Variants in INO80C observed in about 807,000 individuals in gnomAD.
INO80C encodes the protein IES6 homolog.
INO80C carries 17 observed loss-of-function variants against 17.7 expected under a neutral mutation model. The observed-to-expected ratio is 0.96, with a 90% CI of 0.66 to 1.44. The LOEUF is 1.44. Ranked by LOEUF, INO80C falls within the 40% of genes most tolerant of loss-of-function variation. INO80C has a pLI of 0.00. For missense variants in INO80C, 244 were observed against 245.0 expected (o/e 1.00, Z 0.03); for synonymous variants, 96 against 95.8 (o/e 1.00, Z -0.01).
intron 1 of INO80C, among the ~76,000 whole-genome samples, chr18:35,485,924 A>G (rs892214579): frequency 3.9e-5 from 6 of 152,204 alleles, no homozygotes; most frequent in African/African-American, 1.2e-4. Context: ...CAAGAGTTCA[A>G]AAGTGGCCTA....
At chr18:35,470,559 G>A (rs1443204856) in intron 4 of INO80C, among the ~76,000 whole-genome samples, 2 of 152,116 alleles carry the variant, frequency 1.3e-5, no homozygotes, top group Non-Finnish European at 2.9e-5. Flanking sequence ...GTCTGGCGTG[G>A]ACCATCTGGC....
intron 1 of INO80C, among the ~76,000 whole-genome samples, chr18:35,495,710 C>G (rs1415912179): frequency 6.6e-6 from 1 of 152,204 alleles, no homozygotes; most frequent in East Asian, 1.9e-4. Context: ...CCTGGCACAA[C>G]TGGTTATCAA....
In INO80C at chr18:35,479,856, T is replaced by C. The variant is rs2045784179; in HGVS notation, c.268-445A>G. 2.6e-5 allele frequency among the ~76,000 whole-genome samples: 4 copies of C among 151,942 alleles called. No individual in the cohort carries two copies. The South Asian group carries it at 8.3e-4, about 32-fold the overall frequency. On this transcript the variant is annotated intron_variant, in intron 2 of 4. Transcript: ENST00000334598. ...CCTGGAAAAGTTGAGAAAGCCCCAGTTGCAGTATGGGTACTCTTCTAGGTA... is the reference window on the plus strand; with the variant it reads ...CCTGGAAAAGTTGAGAAAGCCCCAGCTGCAGTATGGGTACTCTTCTAGGTA...
chr18:35,497,318 T>C (rs2045993271), intron 1 of INO80C: 1 of 984,134 alleles, frequency 1.0e-6, no homozygotes, highest in Non-Finnish European at 1.2e-6. Context: ...CTTGTATTCA[T>C]CCATGCAGGA....
intron 1 of INO80C, chr18:35,497,262 A>G: frequency 3.3e-6 from 3 of 914,204 alleles, no homozygotes; most frequent in Non-Finnish European, 3.9e-6. Flanking sequence ...CCAGGGTCAA[A>G]AAAGCACTTT....
chr18:35,477,207 G>A (rs2045747529), intron 4 of INO80C, among the ~76,000 whole-genome samples: 1 of 152,106 alleles, frequency 6.6e-6, no homozygotes, highest in South Asian at 2.1e-4. Context: ...GCGTGCCACT[G>A]CACTCCAGCC....
intron 1 of INO80C, among the ~76,000 whole-genome samples, chr18:35,486,460 A>T (rs2045875182): frequency 6.6e-6 from 1 of 152,236 alleles, no homozygotes; most frequent in Non-Finnish European, 1.5e-5. Flanking sequence ...CAACTCAGTG[A>T]ATATACTATA....
At chr18:35,471,294 T>G (rs1170055621) in intron 4 of INO80C, among the ~76,000 whole-genome samples, 1 of 152,268 alleles carries the variant, frequency 6.6e-6, no homozygotes, top group Non-Finnish European at 1.5e-5. Flanking sequence ...GAGAAACCAC[T>G]GCTAAGTGGG....
At chr18:35,472,389 C>T (rs946933710) in intron 4 of INO80C, among the ~76,000 whole-genome samples, 4 of 152,200 alleles carry the variant, frequency 2.6e-5, no homozygotes, top group Admixed American at 2.6e-4. Context: ...TTTTTGGCTG[C>T]ATAAATGTCT....
At chr18:35,495,819 A>T (rs920860023) in intron 1 of INO80C, among the ~76,000 whole-genome samples, 6 of 152,280 alleles carry the variant, frequency 3.9e-5, no homozygotes, top group Admixed American at 1.3e-4. Flanking sequence ...CTACACATCA[A>T]TATAATTTTT....
chr18:35,489,832 G>T (rs2045916038), intron 1 of INO80C, among the ~76,000 whole-genome samples: 1 of 152,114 alleles, frequency 6.6e-6, no homozygotes. Context: ...CTCCTCTCCA[G>T]GGCCTCTGCA....
chr18:35,495,272 T>A (rs2045969851), intron 1 of INO80C, among the ~76,000 whole-genome samples: 1 of 152,096 alleles, frequency 6.6e-6, no homozygotes, highest in Non-Finnish European at 1.5e-5. Flanking sequence ...CTACCAAAAA[T>A]ACAATGGTGG....
intron 2 of INO80C, 33 bp downstream of exon 2, chr18:35,480,420 G>T: frequency 7.1e-7 from 1 of 1,412,172 alleles, no homozygotes; most frequent in South Asian, 1.1e-5. Flanking sequence ...GTGGCATTTG[G>T]ATGTTTATTC....
At chr18:35,474,244 T>TATAC (rs1163516427) in intron 4 of INO80C, among the ~76,000 whole-genome samples, 12 of 134,710 alleles carry the variant, frequency 8.9e-5, no homozygotes, top group African/African-American at 1.7e-4. Flanking sequence ...TATATATATA[T>TATAC]ACTTAATAAC....
intron 1 of INO80C, 92 bp downstream of exon 1, chr18:35,497,627 G>C (rs2045998270): frequency 1.3e-6 from 2 of 1,492,694 alleles, no homozygotes; most frequent in Admixed American, 4.8e-5. Context: ...CACGCGCAGC[G>C]CCCCACATTA....
chr18:35,472,949 A>T (rs1217959351), intron 4 of INO80C, among the ~76,000 whole-genome samples: 1 of 152,220 alleles, frequency 6.6e-6, no homozygotes, highest in African/African-American at 2.4e-5. Flanking sequence ...TCTATTCAGA[A>T]CTTCTTATTT....
intron 4 of INO80C, among the ~76,000 whole-genome samples, chr18:35,475,278 T>C (rs1419117158): frequency 1.3e-5 from 2 of 152,144 alleles, no homozygotes; most frequent in African/African-American, 4.8e-5. Context: ...AAAGACAACA[T>C]TTAACCACTG....
At chr18:35,474,244 T>TATATATATAC (rs1163516427) in intron 4 of INO80C, among the ~76,000 whole-genome samples, 7 of 134,708 alleles carry the variant, frequency 5.2e-5, no homozygotes, top group Non-Finnish European at 7.8e-5. Flanking sequence ...TATATATATA[T>TATATATATAC]ACTTAATAAC....
intron 1 of INO80C, among the ~76,000 whole-genome samples, chr18:35,495,291 T>C (rs2045970080): frequency 6.6e-6 from 1 of 152,198 alleles, no homozygotes; most frequent in African/African-American, 2.4e-5. Flanking sequence ...GGCATGCACC[T>C]GTCGTCCCAG....
Sources: allele counts gnomAD v4.1 joint callset (sites outside exome capture counted in the v4.1 genomes callset), GRCh38; gene constraint gnomAD v4.1.1; transcripts MANE v1.5; gene names NCBI Gene and HGNC (gene_info 2026-07-23, HGNC 2026-07-21).